Variants in ANKLE2 observed in about 807,000 individuals in gnomAD.
ANKLE2 encodes the protein ankyrin repeat and LEM domain containing 2, also known as ankyrin repeat and LEM domain-containing protein 2.
ANKLE2 carries 55 observed loss-of-function variants against 84.2 expected under a neutral mutation model. The observed-to-expected ratio is 0.65, with a 90% confidence interval of 0.53 to 0.82. The LOEUF (loss-of-function observed/expected upper bound fraction) is 0.82, where lower values mean the gene tolerates loss of function less well. Ranked by LOEUF, ANKLE2 falls within the 40% of genes least tolerant of loss-of-function variation. The pLI, the probability that ANKLE2 is intolerant of heterozygous loss-of-function variation, is 0.00. For synonymous variants in ANKLE2, 551 were observed against 486.1 expected, an observed-to-expected ratio of 1.13 and a Z score of -1.76; for missense variants, 1,238 against 1,201.9, an observed-to-expected ratio of 1.03 and a Z score of -0.44.
intron 3 of ANKLE2, among the ~76,000 whole-genome samples, chr12:132,750,212 A>AAG (rs2044326746): frequency 6.7e-6 from 1 of 149,930 alleles, no homozygotes; most frequent in African/African-American, 2.5e-5. Flanking sequence ...CTCAAAAAAA[A>AAG]AAAAAAAAAA....
chr12:132,755,304 G>T (rs561242392), intron 1 of ANKLE2, 171 bp from the exon 2 acceptor site: 2 of 605,636 alleles, frequency 3.3e-6, no homozygotes, highest in Admixed American at 7.0e-5. Context: ...AGCATTTTGG[G>T]AGGCTGAGGC....
intron 10 of ANKLE2, chr12:132,730,526 C>T (rs373404383): frequency 3.1e-5 from 14 of 456,302 alleles, no homozygotes; most frequent in Middle Eastern, 5.8e-4. Context: ...CCTCCAGACA[C>T]AATCAGGCTG....
intron 6 of ANKLE2, chr12:132,741,727 G>A (rs945163741): frequency 2.4e-5 from 15 of 628,644 alleles, no homozygotes; most frequent in South Asian, 4.6e-5. Flanking sequence ...TGCGCTACTC[G>A]ACATTTTCTA....
At chr12:132,758,949 G>GGAC (rs1232522317) in intron 1 of ANKLE2, 1 of 93,086 alleles carries the variant, frequency 1.1e-5, no homozygotes, top group African/African-American at 3.5e-5. Flanking sequence ...ATCACGCAGT[G>GGAC]TGGCACCCCG....
intron 10 of ANKLE2, 24 bp from the exon 11 acceptor site, chr12:132,730,294 T>G (rs770337810): frequency 6.5e-7 from 1 of 1,528,720 alleles, no homozygotes; most frequent in Admixed American, 2.0e-5. Context: ...AAGGAGCACT[T>G]CAGTGATGGG....
At chr12:132,741,738 A>G in intron 6 of ANKLE2, 1 of 608,814 alleles carries the variant, frequency 1.6e-6, no homozygotes, top group Non-Finnish European at 3.1e-6. Context: ...ACATTTTCTA[A>G]CTGTCTGCAA....
rs1187499874 is a variant in ANKLE2 at position 132,743,838 on chromosome 12, A to G, written c.1231-562T>C. Among the ~76,000 whole-genome samples the G allele has an allele frequency of 6.6e-6, 1 of 152,170 alleles. No homozygotes were observed. The highest frequency in any genetic ancestry group is 1.5e-5 in the Non-Finnish European group (1 of 68,022). On this transcript the variant is annotated intron_variant, in intron 5 of 12. Coordinates refer to ENST00000357997, the MANE Select transcript of ANKLE2 (RefSeq NM_015114.3). This position sits in a 1 kb window ranked among gnomAD's most constrained non-coding sequence, Gnocchi z 4.1. ...CCATAAACAGTGAACAGCAGCTTTA[A>G]CCATTCAGGGCCCAGTACAATGTCA...
rs371039454 is a variant in ANKLE2 at position 132,730,253 on chromosome 12, C to T, written c.1909G>A (p.Val637Met). The change falls in exon 11 of 13, where the codon GTG (valine) becomes ATG (methionine). Residue 637 changes from valine to methionine, a missense_variant. By Grantham distance (21) the Val-to-Met change is conservative (BLOSUM62 1). Coordinates refer to ENST00000357997, the MANE Select transcript of ANKLE2 (RefSeq NM_015114.3). ...TCATCTTCATCTAGAAACGCCCTCACGGAAATGGAATTGCTGCCTGTGAGG... is the reference window on the plus strand; with the variant it reads ...TCATCTTCATCTAGAAACGCCCTCATGGAAATGGAATTGCTGCCTGTGAGG... ...ATTSGSNSIS[V>M]RAFLDEDDMS... 1.3e-5 allele frequency: 21 copies of T among 1,562,962 alleles called. No individual in the cohort carries two copies. Among genetic ancestry groups the T allele is most frequent in the Non-Finnish European group, 1.7e-5 (20 of 1,153,166 alleles).
chr12:132,735,285 C>T (rs1052606351), intron 9 of ANKLE2, 121 bp downstream of exon 9: 2 of 922,144 alleles, frequency 2.2e-6, no homozygotes, highest in Non-Finnish European at 3.5e-6. Flanking sequence ...CGAAAAGGAC[C>T]AAGTCTCCCA....
At chr12:132,749,171 G>A (rs1031566983) in intron 3 of ANKLE2, 11 of 151,590 alleles carry the variant, frequency 7.3e-5, no homozygotes, top group African/African-American at 1.7e-4. Context: ...GATTTTTTTG[G>A]GGGGGACGCA....
At position 132,748,278 on chromosome 12, in the gene ANKLE2, A is replaced by G. The variant is rs1205530198; in HGVS notation, c.901T>C (p.Tyr301His). 6.2e-7 allele frequency: 1 copy of G among 1,614,144 alleles called. No individual in the cohort carries two copies. The highest frequency in any genetic ancestry group is 1.7e-5 in the Admixed American group (1 of 60,008). Residue 301 changes from tyrosine to histidine, a missense_variant, in exon 4 of 13, where the codon TAC becomes CAC. Tyr to His is a moderately conservative substitution (Grantham distance 83, BLOSUM62 2). Transcript: ENST00000357997. Reference sequence around the variant, plus strand: ...AGGTCCTGCGTGCGGGGATTTTTGTAACTGTTCGCTCGCTCTTTGTTGACT... The same window carrying G: ...AGGTCCTGCGTGCGGGGATTTTTGTGACTGTTCGCTCGCTCTTTGTTGACT... ...ETVNKERANS[Y>H]KNPRTQDLTA... is the part of the protein sequence containing the mutation.
rs1352658935 is a variant in ANKLE2, at chr12:132,759,720, T to C, written c.181+1898A>G. 5 of 139,850 alleles carry C rather than the reference T, an allele frequency of 3.6e-5. No homozygotes were observed. The South Asian group carries it at 1.0e-3, about 29-fold the overall frequency. The allele number at this position is 139,850 out of a possible 1,614,324, so 8.7% of individuals were successfully genotyped here. A position where few individuals can be genotyped will look rare whatever the true frequency, so the allele number is the denominator to read the frequency against. ...ATGCCGCTGGTGACAGTAACAGCAC[T>C]CAGAGGTGCTTAACACATACCAAGT... On this transcript the variant is annotated intron_variant, in intron 1 of 12. Transcript: ENST00000357997.
chr12:132,733,105 T>C (rs1268817409), intron 10 of ANKLE2, among the ~76,000 whole-genome samples: 1 of 140,408 alleles, frequency 7.1e-6, no homozygotes. Flanking sequence ...GCTCTCTGCG[T>C]CCTGGTGTCT....
At chr12:132,745,479 A>G in intron 5 of ANKLE2, 1 of 153,002 alleles carries the variant, frequency 6.5e-6, no homozygotes, top group South Asian at 2.0e-4. Context: ...GGAATGAGAA[A>G]GTGGCCCACC....
In ANKLE2 at chr12:132,735,519, A is replaced by C; in HGVS notation, c.1594-7T>G. On this transcript the variant is annotated splice_region_variant and splice_polypyrimidine_tract_variant and intron_variant, in intron 8 of 12. Transcript: ENST00000357997. Reference sequence around the variant, plus strand: ...GCTTGCGAAAATCTTCTGCCTATGAAGAAAAAAAAATGTATTGAGCCGTGT... The same window carrying C: ...GCTTGCGAAAATCTTCTGCCTATGACGAAAAAAAAATGTATTGAGCCGTGT... 2 of 1,610,520 alleles carry C rather than the reference A, an allele frequency of 1.2e-6. No individual in the cohort carries two copies. Among genetic ancestry groups the C allele is most frequent in the Non-Finnish European group, 1.7e-6 (2 of 1,178,668 alleles).
intron 1 of ANKLE2, chr12:132,760,812 C>T (rs2044609678): frequency 6.6e-6 from 1 of 152,240 alleles, no homozygotes; most frequent in African/African-American, 2.4e-5. Context: ...GTGATCAACG[C>T]AACCTTCACC....
At chr12:132,736,765 G>A (rs2044017474) in intron 8 of ANKLE2, 128 bp downstream of exon 8, 3 of 1,122,474 alleles carry the variant, frequency 2.7e-6, no homozygotes, top group African/African-American at 1.6e-5. Context: ...GGTTTGAGAT[G>A]AGGACAACCT....
chr12:132,759,205 T>TCCTGGGGCACCCACGTG lies in ANKLE2; in HGVS notation c.181+2412_181+2413insCACGTGGGTGCCCCAGG, dbSNP rs2044559896. Reference sequence around the variant, plus strand: ...GGCACCCACGTGGCAGAGTGGATCATGCAGAGTGGCACCCCGGGGCACCCA... The same window carrying TCCTGGGGCACCCACGTG: ...GGCACCCACGTGGCAGAGTGGATCATCCTGGGGCACCCACGTGGCAGAGTGGCACCCCGGGGCACCCA... On this transcript the variant is annotated intron_variant, in intron 1 of 12. Transcript: ENST00000357997. 1.6e-4 allele frequency: 2 copies of TCCTGGGGCACCCACGTG among 12,184 alleles called. 1 individual carries two copies. The allele number at this position is 12,184 out of a possible 1,614,324, so 0.8% of individuals were successfully genotyped here.
At chr12:132,728,617 A>G (rs1236833858) in intron 11 of ANKLE2, among the ~76,000 whole-genome samples, 1 of 152,232 alleles carries the variant, frequency 6.6e-6, no homozygotes, top group African/African-American at 2.4e-5. Flanking sequence ...GAACCAGGGA[A>G]CCAGCAGCAG....
Sources: allele counts gnomAD v4.1 joint callset (sites outside exome capture counted in the v4.1 genomes callset), GRCh38; gene constraint gnomAD v4.1.1; non-coding constraint Gnocchi (gnomAD v3.1); transcripts MANE v1.5; gene names NCBI Gene and HGNC (gene_info 2026-07-23, HGNC 2026-07-21).